ZNF497: variants seen among roughly 807,000 people sequenced by gnomAD.
ZNF497 encodes the protein zinc finger protein 497.
For synonymous variants in ZNF497, 422 were observed against 313.7 expected, an observed-to-expected ratio of 1.35 and a Z score of -3.65; for missense variants, 930 against 714.0, an observed-to-expected ratio of 1.30 and a Z score of -3.45.
chr19:58,357,563 C>A lies in ZNF497; in HGVS notation c.73G>T (p.Ala25Ser), dbSNP rs746435462. The change falls in exon 3 of 3, where the codon GCC (alanine) becomes TCC (serine). Residue 25 changes from alanine (A) to serine (S), a missense_variant. Coordinates refer to ENST00000311044, the MANE Select transcript of ZNF497 (RefSeq NM_198458.3). ...EGQVLCNVKT[A>S]TRGLSEGAVS... The stretch of plus-strand genomic sequence containing the variant: ...GCCCCCTCAGAGAGGCCCCTCGTGG[C>A]AGTCTTCACATTGCAGAGGACCTGG... 1.3e-6 allele frequency: 2 copies of A among 1,599,716 alleles called. No homozygotes were observed.
chr19:58,355,870 G>C lies in ZNF497; in HGVS notation c.*269C>G. 1 of 451,850 alleles carries C rather than the reference G, an allele frequency of 2.2e-6. No homozygotes were observed. Among genetic ancestry groups the C allele is most frequent in the Non-Finnish European group, 3.9e-6 (1 of 256,500 alleles). 28.0% of individuals were successfully genotyped at this position (451,850 alleles called of 1,614,324 possible). A position where few individuals can be genotyped will look rare whatever the true frequency, so the allele number is the denominator to read the frequency against. Reference sequence around the variant, plus strand: ...CCCAGTTCTTGCCCACCTCTGCATGGACGAACCTCTCGCCGAAGTGGAGCC... The same window carrying C: ...CCCAGTTCTTGCCCACCTCTGCATGCACGAACCTCTCGCCGAAGTGGAGCC... On this transcript the variant is annotated 3_prime_UTR_variant, in exon 3 of 3. Transcript: ENST00000311044.
In ZNF497 at chr19:58,357,446, C is replaced by T; in HGVS notation, c.190G>A (p.Ala64Thr). Residue 64 changes from alanine to threonine, a missense_variant, in exon 3 of 3, where the codon GCG becomes ACG. Ala to Thr is a moderately conservative substitution (Grantham distance 58). Coordinates refer to ENST00000311044, the MANE Select transcript of ZNF497 (RefSeq NM_198458.3). Reference protein sequence around the residue: ...GQRQQATLGAADEQGGPGREL... With the variant: ...GQRQQATLGATDEQGGPGREL... ...CTGCCGGGGCCTCCCTGTTCGTCCG[C>T]CGCCCCCAGTGTGGCTTGCTGCCGC... 1 of 1,600,226 alleles carries T rather than the reference C, an allele frequency of 6.2e-7. No individual in the cohort carries two copies. Among genetic ancestry groups the T allele is most frequent in the Non-Finnish European group, 8.5e-7 (1 of 1,173,294 alleles).
Position 58,358,086 on chromosome 19 carries a change from C to T in ZNF497, c.-15+403G>A, listed in dbSNP as rs533390305. 2.0e-5 allele frequency: 25 copies of T among 1,239,302 alleles called. No homozygotes were observed. In the South Asian group the frequency reaches 3.3e-4, roughly 17 times the overall value. 76.8% of individuals were successfully genotyped at this position (1,239,302 alleles called of 1,614,324 possible). ...CTCCATTCCTGAAGGCTGGAGGACA[C>T]CGCCTGACCCAAACACAGCTATGTC... On this transcript the variant is annotated intron_variant, in intron 2 of 2. Coordinates refer to ENST00000311044, the MANE Select transcript of ZNF497 (RefSeq NM_198458.3).
At chr19:58,360,632 G>C (rs371260050) in intron 1 of ZNF497, among the ~76,000 whole-genome samples, 2 of 151,900 alleles carry the variant, frequency 1.3e-5, no homozygotes, top group African/African-American at 2.4e-5. Context: ...GGATTCAAGC[G>C]ATTCTCCTGC....
chr19:58,357,741 A>AT, intron 2 of ZNF497, 92 bp from the exon 3 acceptor site: 2 of 1,307,230 alleles, frequency 1.5e-6, no homozygotes, highest in East Asian at 5.2e-5. Flanking sequence ...GTGGGCTGTC[A>AT]TCCCCCACTC....
chr19:58,359,845 C>T (rs566090027), intron 1 of ZNF497, among the ~76,000 whole-genome samples: 3 of 151,998 alleles, frequency 2.0e-5, no homozygotes, highest in South Asian at 2.1e-4. Flanking sequence ...TGGTGGCAGG[C>T]GCCTGTAATC....
At position 58,356,534 on chromosome 19, in the gene ZNF497, T is replaced by G. The variant is rs1178823763; in HGVS notation, c.1102A>C (p.Ser368Arg). 2.6e-6 allele frequency: 4 copies of G among 1,547,054 alleles called. No homozygotes were observed. Among genetic ancestry groups the G allele is most frequent in the African/African-American group, 2.8e-5 (2 of 72,382 alleles). ...TGGCTCAGTAGGTTGGAGCGCTGGCTGAAGGCCTTGCCGCACTGGGCGCAC... is the reference window on the plus strand; with the variant it reads ...TGGCTCAGTAGGTTGGAGCGCTGGCGGAAGGCCTTGCCGCACTGGGCGCAC... Reference protein sequence around the residue: ...HACAQCGKAFSQRSNLLSHRR... With the variant: ...HACAQCGKAFRQRSNLLSHRR... The change falls in exon 3 of 3, where the codon AGC becomes CGC. Residue 368 changes from serine to arginine, a missense_variant. Physicochemically the swap from Ser to Arg is moderately radical, Grantham distance 110. Coordinates refer to ENST00000311044, the MANE Select transcript of ZNF497 (RefSeq NM_198458.3).
chr19:58,357,286 T>C lies in ZNF497; in HGVS notation c.350A>G (p.Gln117Arg). Residue 117 changes from glutamine to arginine, a missense_variant, in exon 3 of 3, where the codon CAG (glutamine) becomes CGG (arginine). Physicochemically the swap from Gln to Arg is conservative, Grantham distance 43 (BLOSUM62 1). Coordinates refer to ENST00000311044, the MANE Select transcript of ZNF497 (RefSeq NM_198458.3). Reference sequence around the variant, plus strand: ...CCGATGCTGCAGCAAGTAAGAGCCCTGGCTGAACGCCTTGCCGCACTCCCC... The same window carrying C: ...CCGATGCTGCAGCAAGTAAGAGCCCCGGCTGAACGCCTTGCCGCACTCCCC... ...RCGECGKAFS[Q>R]GSYLLQHRRV... is the part of the protein sequence containing the mutation. The C allele has an allele frequency of 6.2e-7, 1 of 1,611,892 alleles. No individual in the cohort carries two copies. The highest frequency in any genetic ancestry group is 8.5e-7 in the Non-Finnish European group (1 of 1,179,414).
Position 58,359,117 on chromosome 19 carries a change from G to A in ZNF497, c.-111-532C>T, listed in dbSNP as rs770777093. ...ACACAGCTCACGCAGCTGAGCCAGG[G>A]CCCCTCGGGGCCCTGCTGCCTTCTC... is the stretch of plus-strand genomic sequence containing the variant. On this transcript the variant is annotated intron_variant, in intron 1 of 2. Transcript: ENST00000311044. The A allele has an allele frequency of 5.8e-5, 66 of 1,144,148 alleles. 1 individual carries two copies. The highest frequency in any genetic ancestry group is 7.5e-5 in the Non-Finnish European group (64 of 853,224). The allele number at this position is 1,144,148 out of a possible 1,614,324, so 70.9% of individuals were successfully genotyped here. A position where few individuals can be genotyped will look rare whatever the true frequency, so the allele number is the denominator to read the frequency against.
chr19:58,359,510 A>G (rs1345199817), intron 1 of ZNF497: 2 of 455,550 alleles, frequency 4.4e-6, no homozygotes, highest in East Asian at 1.4e-4. Flanking sequence ...GGCTGCTTGT[A>G]CCATCCCTTC....
chr19:58,358,163 G>A, intron 2 of ZNF497: 1 of 1,290,030 alleles, frequency 7.8e-7, no homozygotes, highest in Non-Finnish European at 1.0e-6. Context: ...CCTCCACACA[G>A]TATGGGCAGC....
intron 2 of ZNF497, 79 bp downstream of exon 2, chr19:58,358,410 G>T: frequency 8.7e-7 from 1 of 1,155,458 alleles, no homozygotes; most frequent in Non-Finnish European, 1.1e-6. Flanking sequence ...CATTTGCCCT[G>T]AGCACCTTAT....
intron 1 of ZNF497, among the ~76,000 whole-genome samples, chr19:58,359,810 T>G (rs1319694279): frequency 6.6e-6 from 1 of 151,978 alleles, no homozygotes; most frequent in Non-Finnish European, 1.5e-5. Context: ...CCGTCTCTAC[T>G]AAAAATACAA....
At chr19:58,359,171 G>C in intron 1 of ZNF497, 1 of 1,290,904 alleles carries the variant, frequency 7.7e-7, no homozygotes. Flanking sequence ...GCACTGGCCA[G>C]GGCTCTTGGA....
At chr19:58,359,673 GT>G in intron 1 of ZNF497, 1 of 324,246 alleles carries the variant, frequency 3.1e-6, no homozygotes, top group South Asian at 2.4e-5. Context: ...TCCAGGAAGT[GT>G]TTTAAAAATT....
chr19:58,357,434 C>T lies in ZNF497; in HGVS notation c.202G>A (p.Gly68Arg). ...QATLGAADEQ[G>R]GPGRELGPAD... ...GGGCCCAGCTCCCTGCCGGGGCCTC[C>T]CTGTTCGTCCGCCGCCCCCAGTGTG... Residue 68 changes from glycine to arginine, a missense_variant, in exon 3 of 3, where the codon GGA (glycine) becomes AGA (arginine). By Grantham distance (125) the Gly-to-Arg change is moderately radical. Coordinates refer to ENST00000311044, the MANE Select transcript of ZNF497 (RefSeq NM_198458.3). 6.2e-7 allele frequency: 1 copy of T among 1,600,798 alleles called. No homozygotes were observed. The highest frequency in any genetic ancestry group is 1.3e-5 in the African/African-American group (1 of 74,748).
rs1387557653 is a variant in ZNF497, at chr19:58,356,440, G to A, written c.1196C>T (p.Ser399Phe). The A allele has an allele frequency of 2.6e-6, 4 of 1,558,230 alleles. No individual in the cohort carries two copies. The highest frequency in any genetic ancestry group is 3.5e-6 in the Non-Finnish European group (4 of 1,157,474). The change falls in exon 3 of 3, where the codon TCC becomes TTC. Residue 399 changes from serine (S) to phenylalanine (F), a missense_variant. Physicochemically the swap from Ser to Phe is radical, Grantham distance 155. Coordinates refer to ENST00000311044, the MANE Select transcript of ZNF497 (RefSeq NM_198458.3). ...CGAAAGCCGGTGGTGCGCCAGGCCG[G>A]AACTGCCGCGGAAGGCCTTGCCGCA... ...ADCGKAFRGS[S>F]GLAHHRLSHT... is the part of the protein sequence containing the mutation.
rs775601110 is a variant in ZNF497, at chr19:58,357,175, C to T, written c.461G>A (p.Arg154His). ...GTAGGGCTTCTCGCCGCTGTGGATG[C>T]GCTGGTGCTGGCTGAGGTTGGAGCT... Reference protein sequence around the residue: ...AWSSNLSQHQRIHSGEKPYAC... With the variant: ...AWSSNLSQHQHIHSGEKPYAC... Residue 154 changes from arginine (R) to histidine (H), a missense_variant, in exon 3 of 3, where the codon CGC becomes CAC. Coordinates refer to ENST00000311044, the MANE Select transcript of ZNF497 (RefSeq NM_198458.3). The T allele has an allele frequency of 6.2e-7, 1 of 1,612,910 alleles. No homozygotes were observed. Among genetic ancestry groups the T allele is most frequent in the Non-Finnish European group, 8.5e-7 (1 of 1,179,726 alleles).
rs999718245 is a variant in ZNF497, at chr19:58,355,622, A to G, written c.*517T>C. ...CAGTGCTGAGCTTCTTGCCAACAGAATATGAGACACTAGAAAGCCATAGCA... is the reference window on the plus strand; with the variant it reads ...CAGTGCTGAGCTTCTTGCCAACAGAGTATGAGACACTAGAAAGCCATAGCA... On this transcript the variant is annotated 3_prime_UTR_variant, in exon 3 of 3. Coordinates refer to ENST00000311044, the MANE Select transcript of ZNF497 (RefSeq NM_198458.3). The G allele has an allele frequency of 6.5e-6, 1 of 153,382 alleles. No homozygotes were observed. Among genetic ancestry groups the G allele is most frequent in the Non-Finnish European group, 1.5e-5 (1 of 68,894 alleles). 9.5% of individuals were successfully genotyped at this position (153,382 alleles called of 1,614,324 possible). A position where few individuals can be genotyped will look rare whatever the true frequency, so the allele number is the denominator to read the frequency against.
Sources: gnomAD v4.1 joint callset for allele counts (sites outside exome capture counted in the v4.1 genomes callset) on GRCh38, gnomAD v4.1.1 for gene constraint, MANE v1.5 for transcripts, NCBI Gene and HGNC (gene_info 2026-07-23, HGNC 2026-07-21) for gene names.